The following BCAS3 variants were observed in gnomAD, a reference collection of about 807,000 sequenced individuals.
BCAS3 encodes the protein BCAS3 microtubule associated cell migration factor.
A neutral mutation model predicts 116.1 loss-of-function variants in BCAS3; 53 were observed. The observed-to-expected ratio is 0.46, with a 90% CI of 0.37 to 0.57. BCAS3 has a LOEUF of 0.57. Ranked by LOEUF, BCAS3 falls within the 20% of genes least tolerant of loss-of-function variation. BCAS3 has a pLI of 0.00. For missense variants in BCAS3, 917 were observed against 1,165.4 expected, an observed-to-expected ratio of 0.79 and a Z score of 3.10; for synonymous variants, 391 against 408.2, an observed-to-expected ratio of 0.96 and a Z score of 0.51.
At chr17:61,319,349 T>C (rs1179847054) in intron 22 of BCAS3, among the ~76,000 whole-genome samples, 1 of 152,232 alleles carries the variant, frequency 6.6e-6, no homozygotes, top group African/African-American at 2.4e-5. Flanking sequence ...AACTCCATTA[T>C]ATTAAGGAAA....
chr17:61,374,749 A>G lies in BCAS3; in HGVS notation c.2593+6255A>G, dbSNP rs2059249418. Among the ~76,000 whole-genome samples, 5 of 152,204 alleles carry G rather than the reference A, an allele frequency of 3.3e-5. No homozygotes were observed. The South Asian group carries it at 1.0e-3, about 31-fold the overall frequency. On this transcript the variant is annotated intron_variant, in intron 23 of 23. Transcript: ENST00000407086. ...TTTTACTTCCTGACCTAGTTCACCCACATCTATAACCCTTCACAAAACAAT... is the reference window on the plus strand; with the variant it reads ...TTTTACTTCCTGACCTAGTTCACCCGCATCTATAACCCTTCACAAAACAAT...
Position 61,050,402 on chromosome 17 carries a change from C to T in BCAS3, c.2029+9510C>T, listed in dbSNP as rs554139689. ...TTAATATATACTGTGTGTGTACCTACGCATGTGTGTATATATATGTGTGTA... is the reference window on the plus strand; with the variant it reads ...TTAATATATACTGTGTGTGTACCTATGCATGTGTGTATATATATGTGTGTA... On this transcript the variant is annotated intron_variant, in intron 19 of 23. Transcript: ENST00000407086. Among the ~76,000 whole-genome samples, 12 of 151,784 alleles carry T rather than the reference C, an allele frequency of 7.9e-5. No individual in the cohort carries two copies. The South Asian group carries it at 1.5e-3, about 18-fold the overall frequency.
At chr17:61,223,582 T>C (rs182934573) in intron 22 of BCAS3, among the ~76,000 whole-genome samples, 1 of 152,222 alleles carries the variant, frequency 6.6e-6, no homozygotes, top group East Asian at 1.9e-4. Context: ...TTGGGTACTG[T>C]CTCCATGCTC....
chr17:60,977,664 C>T (rs2062502345), intron 14 of BCAS3, among the ~76,000 whole-genome samples: 1 of 149,322 alleles, frequency 6.7e-6, no homozygotes, highest in East Asian at 2.0e-4. Context: ...CCCCCCACCC[C>T]ACAATAGTCC....
intron 22 of BCAS3, among the ~76,000 whole-genome samples, chr17:61,310,564 AAAAAAG>A (rs1430153085): frequency 1.3e-5 from 2 of 151,940 alleles, no homozygotes; most frequent in African/African-American, 2.4e-5. Flanking sequence ...AAAAAAAAAA[AAAAAAG>A]AAAGAAAGAA....
At chr17:61,009,955 T>C (rs1374858239) in intron 15 of BCAS3, among the ~76,000 whole-genome samples, 2 of 152,070 alleles carry the variant, frequency 1.3e-5, no homozygotes, top group Admixed American at 1.3e-4. Flanking sequence ...CAAAGCCCAG[T>C]AAATCTTAGA....
At chr17:61,114,913 C>G (rs1238082060) in intron 22 of BCAS3, among the ~76,000 whole-genome samples, 1 of 151,994 alleles carries the variant, frequency 6.6e-6, no homozygotes, top group Non-Finnish European at 1.5e-5. Context: ...TGGAACAGAA[C>G]AGAGCCCTCA....
intron 7 of BCAS3, among the ~76,000 whole-genome samples, chr17:60,844,190 G>A (rs1427687669): frequency 6.6e-6 from 1 of 152,034 alleles, no homozygotes; most frequent in African/African-American, 2.4e-5. Context: ...GGCTGGTCTC[G>A]AACTCCTGAC....
At chr17:60,938,757 G>GATAT (rs1555623736) in intron 13 of BCAS3, among the ~76,000 whole-genome samples, 1 of 150,896 alleles carries the variant, frequency 6.6e-6, no homozygotes, top group Non-Finnish European at 1.5e-5. Flanking sequence ...TAGATAGATA[G>GATAT]ATATTGAAAA....
intron 19 of BCAS3, among the ~76,000 whole-genome samples, chr17:61,069,256 C>T (rs932515186): frequency 1.1e-4 from 16 of 152,050 alleles, no homozygotes; most frequent in Non-Finnish European, 2.1e-4. Context: ...AGCTACCCAG[C>T]CTGGGTTTGC....
chr17:61,117,780 A>G (rs986339928), intron 22 of BCAS3, among the ~76,000 whole-genome samples: 1 of 152,098 alleles, frequency 6.6e-6, no homozygotes, highest in African/African-American at 2.4e-5. Context: ...GCCACCCCCT[A>G]CATGCATAGC....
In BCAS3 at chr17:61,343,861, C is replaced by A. The variant is rs1308847944; in HGVS notation, c.2426-24466C>A. 6.6e-6 allele frequency among the ~76,000 whole-genome samples: 1 copy of A among 152,248 alleles called. No homozygotes were observed. The highest frequency in any genetic ancestry group is 1.5e-5 in the Non-Finnish European group (1 of 68,044). ...TTGCTCAGTTCTGCTCTGCAGCCCC[C>A]ATGGCGACACCCTCTCTCTTTGGAC... On this transcript the variant is annotated intron_variant, in intron 22 of 23. Transcript: ENST00000407086. This position sits in a 1 kb window ranked among gnomAD's most constrained non-coding sequence, Gnocchi z 5.5.
chr17:61,046,216 T>C (rs565827991), intron 19 of BCAS3, among the ~76,000 whole-genome samples: 56 of 137,570 alleles, frequency 4.1e-4, no homozygotes, highest in Middle Eastern at 3.5e-3. Flanking sequence ...ATTACTCTCT[T>C]GCTTTCTCCC....
chr17:61,038,668 G>GTT (rs1244364326), intron 18 of BCAS3, among the ~76,000 whole-genome samples: 64 of 113,922 alleles, frequency 5.6e-4, no homozygotes, highest in Admixed American at 7.5e-4. Flanking sequence ...TTTTGTTTTT[G>GTT]TTTTTTTTTT....
chr17:61,369,765 C>T (rs1294926784), intron 23 of BCAS3, among the ~76,000 whole-genome samples: 2 of 152,190 alleles, frequency 1.3e-5, no homozygotes, highest in Non-Finnish European at 2.9e-5. Flanking sequence ...GTCATCATGC[C>T]ACTGTTCTCC....
At chr17:61,184,089 A>T (rs925538479) in intron 22 of BCAS3, among the ~76,000 whole-genome samples, 1 of 152,172 alleles carries the variant, frequency 6.6e-6, no homozygotes, top group East Asian at 1.9e-4. Flanking sequence ...CCAATGTTAC[A>T]TATTAATAAA....
rs1350026287 is a variant in BCAS3, at chr17:61,244,638, C to T, written c.2426-123689C>T. On this transcript the variant is annotated intron_variant, in intron 22 of 23. Transcript: ENST00000407086. The surrounding 1 kb of genome is among the most constrained non-coding windows in gnomAD (Gnocchi z 4.9). ...CAGCACTTTGGGAGGCCAAAGCGGG[C>T]GGATCACGAGGTCAGGAGATCGAGA... Among the ~76,000 whole-genome samples the T allele has an allele frequency of 6.6e-6, 1 of 152,086 alleles. No homozygotes were observed. Among genetic ancestry groups the T allele is most frequent in the African/African-American group, 2.4e-5 (1 of 41,416 alleles).
chr17:61,005,557 A>T (rs1230992694), intron 15 of BCAS3, among the ~76,000 whole-genome samples: 2 of 152,056 alleles, frequency 1.3e-5, no homozygotes. Flanking sequence ...AAGGAAATGC[A>T]TCTTTGACAC....
chr17:61,266,899 G>A (rs983615877), intron 22 of BCAS3, among the ~76,000 whole-genome samples: 50 of 152,232 alleles, frequency 3.3e-4, no homozygotes, highest in African/African-American at 1.2e-3. Context: ...CCTCACACAC[G>A]CACATTCATC....
Sources: gnomAD v4.1 joint callset for allele counts (sites outside exome capture counted in the v4.1 genomes callset) on GRCh38, gnomAD v4.1.1 for gene constraint, Gnocchi (gnomAD v3.1) non-coding constraint, MANE v1.5 for transcripts, NCBI Gene and HGNC (gene_info 2026-07-23, HGNC 2026-07-21) for gene names.